The following GALNT14 variants were observed in gnomAD, a reference collection of about 807,000 sequenced individuals.
The protein encoded by GALNT14 is polypeptide N-acetylgalactosaminyltransferase 14, also known as UDP-GalNAc:polypeptide N-acetylgalactosaminyltransferase 14.
A neutral mutation model predicts 77.5 loss-of-function variants in GALNT14; 60 were observed. That is an observed-to-expected ratio of 0.77 (90% CI 0.63 to 0.96). GALNT14 has a LOEUF of 0.96. Among genes scored for constraint, GALNT14 ranks in the 40% least tolerant of loss-of-function variants. The pLI is 0.00. For synonymous variants in GALNT14, 280 were observed against 281.7 expected, an observed-to-expected ratio of 0.99 and a Z score of 0.06; for missense variants, 710 against 731.0, an observed-to-expected ratio of 0.97 and a Z score of 0.33.
intron 13 of GALNT14, among the ~76,000 whole-genome samples, chr2:30,917,076 CAAAAAAAAAAAAAAAAAA>C (rs529653696): frequency 5.0e-5 from 1 of 19,892 alleles, no homozygotes; most frequent in Non-Finnish European, 9.3e-5. Flanking sequence ...GACTCCGTCT[CAAAAAAAAAAAAAAAAAA>C]AAAAAAAAAA....
chr2:30,901,683 A>G, the GALNT14 span, among the ~76,000 whole-genome samples: 1 of 152,028 alleles, frequency 6.6e-6, no homozygotes, highest in African/African-American at 2.4e-5. Flanking sequence ...ATATGTGTGT[A>G]TATATATGTG....
intron 1 of GALNT14, among the ~76,000 whole-genome samples, chr2:31,011,264 C>G (rs183953913): frequency 6.6e-6 from 1 of 152,198 alleles, no homozygotes; most frequent in African/African-American, 2.4e-5. Context: ...AAGCACTAAG[C>G]TCTGTGCCAG....
intron 1 of GALNT14, among the ~76,000 whole-genome samples, chr2:31,025,773 T>C (rs1285167733): frequency 1.3e-5 from 2 of 152,188 alleles, no homozygotes; most frequent in Non-Finnish European, 2.9e-5. Context: ...AAGTGGCTCA[T>C]GCTATTCTGG....
chr2:30,927,255 CA>C (rs1665445323), intron 11 of GALNT14, among the ~76,000 whole-genome samples: 1 of 152,170 alleles, frequency 6.6e-6, no homozygotes, highest in South Asian at 2.1e-4. Context: ...AGACTGCAGT[CA>C]GTTTGAAACT....
At chr2:31,065,869 T>A (rs977647441) in intron 1 of GALNT14, among the ~76,000 whole-genome samples, 2 of 152,126 alleles carry the variant, frequency 1.3e-5, no homozygotes, top group Non-Finnish European at 2.9e-5. Flanking sequence ...AATATATTCA[T>A]GCCTTGTGAC....
At chr2:31,016,160 G>T (rs947152878) in intron 1 of GALNT14, among the ~76,000 whole-genome samples, 4 of 152,190 alleles carry the variant, frequency 2.6e-5, no homozygotes, top group Non-Finnish European at 4.4e-5. Context: ...AGATCAACGT[G>T]CGAACAGGGT....
intron 13 of GALNT14, among the ~76,000 whole-genome samples, chr2:30,913,222 G>T (rs1428642947): frequency 6.6e-6 from 1 of 152,098 alleles, no homozygotes; most frequent in African/African-American, 2.4e-5. Context: ...GTAAAATAAG[G>T]TAATATTTAC....
chr2:30,929,875 A>C (rs1014839043), intron 10 of GALNT14, among the ~76,000 whole-genome samples: 5 of 152,306 alleles, frequency 3.3e-5, no homozygotes, highest in African/African-American at 1.2e-4. Context: ...CCTTACACAC[A>C]TAGCCTGAAG....
chr2:30,904,869 C>T, the GALNT14 span, among the ~76,000 whole-genome samples: 11 of 152,146 alleles, frequency 7.2e-5, no homozygotes, highest in East Asian at 1.7e-3. Context: ...GATCTGAGAA[C>T]GGGCAGACTG....
chr2:31,109,691 G>C (rs966291259), intron 1 of GALNT14, among the ~76,000 whole-genome samples: 2 of 152,180 alleles, frequency 1.3e-5, no homozygotes, highest in African/African-American at 4.8e-5. Flanking sequence ...CATCTCTCTA[G>C]CTTATTTGCG....
downstream of GALNT14, among the ~76,000 whole-genome samples, chr2:30,906,482 A>G (rs1272580190): frequency 6.7e-6 from 1 of 150,272 alleles, no homozygotes; most frequent in African/African-American, 2.5e-5. Context: ...ATAATGGTAA[A>G]GGGATCAATT....
intron 1 of GALNT14, among the ~76,000 whole-genome samples, chr2:31,062,536 CTT>C (rs1674669286): frequency 6.6e-6 from 1 of 152,146 alleles, no homozygotes; most frequent in African/African-American, 2.4e-5. Context: ...GTGCATGTGT[CTT>C]TATAGTAGAA....
intron 1 of GALNT14, among the ~76,000 whole-genome samples, chr2:31,120,911 T>C (rs976063058): frequency 2.4e-4 from 37 of 152,342 alleles, no homozygotes; most frequent in African/African-American, 8.9e-4. Flanking sequence ...TGAGTATATT[T>C]CCATGTCCAC....
chr2:31,128,448 T>C (rs1678807289), intron 1 of GALNT14, among the ~76,000 whole-genome samples: 1 of 152,208 alleles, frequency 6.6e-6, no homozygotes, highest in Non-Finnish European at 1.5e-5. Context: ...AAATAGGATG[T>C]GTTAGGTTCT....
chr2:31,034,031 T>C (rs1433636562), intron 1 of GALNT14, among the ~76,000 whole-genome samples: 1 of 152,226 alleles, frequency 6.6e-6, no homozygotes, highest in African/African-American at 2.4e-5. Flanking sequence ...ATTGCTATTC[T>C]CATTTCATAG....
Position 30,975,260 on chromosome 2 carries a change from T to A in GALNT14, c.300-8958A>T, listed in dbSNP as rs146412988. On this transcript the variant is annotated intron_variant, in intron 2 of 14. Coordinates refer to ENST00000349752, the MANE Select transcript of GALNT14 (RefSeq NM_024572.4). ...CTGGGATGTTCTTGTTTACCAAAGT[T>A]CCAAGAATGATGAAAAATGTCGATG... is the stretch of plus-strand genomic sequence containing the variant. Among the ~76,000 whole-genome samples the A allele has an allele frequency of 5.0e-3, 758 of 152,284 alleles. 16 individuals are homozygous for A. Among genetic ancestry groups the A allele is most frequent in the South Asian group, 0.045 (217 of 4,824 alleles).
At chr2:30,896,222 G>A in the GALNT14 span, among the ~76,000 whole-genome samples, 1 of 152,220 alleles carries the variant, frequency 6.6e-6, no homozygotes, top group African/African-American at 2.4e-5. Context: ...CTGAGTCAGT[G>A]GGGTTAACCA....
At chr2:30,931,691 C>T (rs754260698) in intron 10 of GALNT14, among the ~76,000 whole-genome samples, 15 of 152,074 alleles carry the variant, frequency 9.9e-5, no homozygotes, top group Non-Finnish European at 1.8e-4. Context: ...TGACCCAGCC[C>T]GAAGGTGGGG....
chr2:31,005,574 T>C (rs939817306), intron 1 of GALNT14, among the ~76,000 whole-genome samples: 1 of 152,228 alleles, frequency 6.6e-6, no homozygotes, highest in African/African-American at 2.4e-5. Context: ...ATTATTTCTT[T>C]TGGTGACTGA....
Sources: gnomAD v4.1 joint callset for allele counts (sites outside exome capture counted in the v4.1 genomes callset) on GRCh38, gnomAD v4.1.1 for gene constraint, MANE v1.5 for transcripts, NCBI Gene and HGNC (gene_info 2026-07-23, HGNC 2026-07-21) for gene names.